SCOC: variants seen among roughly 807,000 people sequenced by gnomAD.
The protein encoded by SCOC is short coiled coil protein.
Under a neutral mutation model 9.9 loss-of-function variants are expected in SCOC, and 7 were observed. The ratio of observed to expected loss-of-function variants is 0.71; its 90% CI spans 0.40 to 1.33. The LOEUF is 1.33. Among genes scored for constraint, SCOC ranks in the 40% most tolerant of loss-of-function variants. SCOC has a pLI of 0.01. For missense variants in SCOC, 66 were observed against 89.7 expected, an observed-to-expected ratio of 0.74 and a Z score of 1.07; for synonymous variants, 19 against 28.2, an observed-to-expected ratio of 0.67 and a Z score of 1.03.
chr4:140,340,783 C>CTTTTTTTTTTTT (rs36136647), upstream of SCOC, among the ~76,000 whole-genome samples: 1,253 of 40,438 alleles, frequency 0.031, 349 homozygotes, highest in African/African-American at 0.1. Context: ...TGCTGCCTAA[C>CTTTTTTTTTTTT]TTTTTTTTTT....
chr4:140,292,092 G>A (rs1731491370), intron 1 of SCOC, among the ~76,000 whole-genome samples: 1 of 151,686 alleles, frequency 6.6e-6, no homozygotes, highest in African/African-American at 2.4e-5. Context: ...GATTGTGGCA[G>A]CATCCTCATT....
chr4:140,330,121 T>C (rs1949153), intron 1 of SCOC, among the ~76,000 whole-genome samples: 44,501 of 152,088 alleles, frequency 0.29, 9,114 homozygotes, highest in African/African-American at 0.59. Flanking sequence ...ATTTACTCAG[T>C]CATAAAAAGA....
intron 1 of SCOC, among the ~76,000 whole-genome samples, chr4:140,258,231 C>T (rs1365329376): frequency 6.6e-6 from 1 of 152,178 alleles, no homozygotes; most frequent in East Asian, 1.9e-4. Context: ...CATTTTCTGG[C>T]TGTGATGAGA....
chr4:140,345,938 G>A (rs1233348223), intron 2 of SCOC, among the ~76,000 whole-genome samples: 11 of 152,076 alleles, frequency 7.2e-5, no homozygotes, highest in Non-Finnish European at 1.5e-4. Flanking sequence ...ACAATGCTAC[G>A]TCCTTTTAAC....
chr4:140,273,386 TTC>T (rs1578759376), intron 1 of SCOC, among the ~76,000 whole-genome samples: 1 of 152,242 alleles, frequency 6.6e-6, no homozygotes, highest in Non-Finnish European at 1.5e-5. Flanking sequence ...TCTAATTCAT[TTC>T]TCTGTTTATA....
At chr4:140,276,544 T>C (rs1730987833) in intron 1 of SCOC, among the ~76,000 whole-genome samples, 1 of 152,008 alleles carries the variant, frequency 6.6e-6, no homozygotes, top group Non-Finnish European at 1.5e-5. Context: ...GCTCACTGCC[T>C]CGGGGGTTCA....
intron 1 of SCOC, among the ~76,000 whole-genome samples, chr4:140,297,983 G>A (rs911793950): frequency 6.6e-6 from 1 of 152,198 alleles, no homozygotes; most frequent in Non-Finnish European, 1.5e-5. Context: ...CATTCCTCTG[G>A]GGTTGTAGAA....
chr4:140,335,700 T>C (rs1209752865), intron 1 of SCOC, among the ~76,000 whole-genome samples: 3 of 152,174 alleles, frequency 2.0e-5, no homozygotes, highest in East Asian at 1.9e-4. Context: ...TTATTGTTCA[T>C]ACAAAGCTCT....
intron 1 of SCOC, among the ~76,000 whole-genome samples, chr4:140,378,732 C>T (rs1209696214): frequency 6.6e-6 from 1 of 151,904 alleles, no homozygotes; most frequent in Non-Finnish European, 1.5e-5. Context: ...CCTAAATTTC[C>T]AAGGTAAAAT....
intron 1 of SCOC, among the ~76,000 whole-genome samples, chr4:140,374,467 T>C (rs1401113902): frequency 2.6e-4 from 39 of 152,194 alleles, no homozygotes; most frequent in Non-Finnish European, 7.3e-5. Flanking sequence ...TTAAAATCAG[T>C]GTAGCTAGCC....
chr4:140,345,234 C>T (rs372169358), intron 2 of SCOC, among the ~76,000 whole-genome samples: 4 of 151,338 alleles, frequency 2.6e-5, no homozygotes, highest in African/African-American at 4.9e-5. Flanking sequence ...GGCAACCACA[C>T]GAGAGGACCA....
chr4:140,379,369 A>G (rs1032859979), intron 2 of SCOC, among the ~76,000 whole-genome samples, 177 bp downstream of exon 2: 4 of 152,200 alleles, frequency 2.6e-5, no homozygotes, highest in African/African-American at 9.6e-5. Flanking sequence ...TTCCTTAGCT[A>G]TGAGAGGTTG....
At chr4:140,299,852 C>T (rs1353314050) in intron 1 of SCOC, among the ~76,000 whole-genome samples, 1 of 152,166 alleles carries the variant, frequency 6.6e-6, no homozygotes, top group Non-Finnish European at 1.5e-5. Flanking sequence ...TGCTTATTTT[C>T]CACCCACTTC....
chr4:140,324,110 A>C (rs1348961924), intron 1 of SCOC, among the ~76,000 whole-genome samples: 2 of 152,148 alleles, frequency 1.3e-5, no homozygotes, highest in East Asian at 3.8e-4. Context: ...TATTATATAC[A>C]TTCATCTCAA....
chr4:140,318,146 T>A, intron 1 of SCOC, among the ~76,000 whole-genome samples: 1 of 150,512 alleles, frequency 6.6e-6, no homozygotes, highest in Non-Finnish European at 1.5e-5. Context: ...ACCTAGGCAT[T>A]ACCATTCAGG....
chr4:140,318,185 C>G (rs891474940), intron 1 of SCOC, among the ~76,000 whole-genome samples: 4 of 145,584 alleles, frequency 2.7e-5, no homozygotes, highest in African/African-American at 1.0e-4. Context: ...ACTTCATGTC[C>G]AAAACACCAA....
intron 1 of SCOC, among the ~76,000 whole-genome samples, chr4:140,280,223 C>T (rs150292178): frequency 6.6e-6 from 1 of 152,066 alleles, no homozygotes; most frequent in African/African-American, 2.4e-5. Flanking sequence ...TTCAAGTGAT[C>T]CCCCCACCTC....
chr4:140,355,141 G>A (rs1483462267), intron 2 of SCOC, among the ~76,000 whole-genome samples: 1 of 149,988 alleles, frequency 6.7e-6, no homozygotes, highest in African/African-American at 2.5e-5. Context: ...AGCTGCCAGC[G>A]AATATAAAGC....
chr4:140,354,770 T>C (rs1727139498), intron 2 of SCOC, among the ~76,000 whole-genome samples: 1 of 151,750 alleles, frequency 6.6e-6, no homozygotes, highest in Non-Finnish European at 1.5e-5. Flanking sequence ...TTGGAAAAAA[T>C]GATTAATCAA....
Sources: gnomAD v4.1 joint callset for allele counts (sites outside exome capture counted in the v4.1 genomes callset) on GRCh38, gnomAD v4.1.1 for gene constraint, MANE v1.5 for transcripts, NCBI Gene and HGNC (gene_info 2026-07-23, HGNC 2026-07-21) for gene names.